MAN1C1: variants seen among roughly 807,000 people sequenced by gnomAD.
The protein encoded by MAN1C1 is mannosyl-oligosaccharide 1,2-alpha-mannosidase IC.
A neutral mutation model predicts 71.5 loss-of-function variants in MAN1C1; 49 were observed. That is an observed-to-expected ratio of 0.69 (90% CI 0.54 to 0.87). MAN1C1 has a LOEUF of 0.87. Among genes scored for constraint, MAN1C1 ranks in the 40% least tolerant of loss-of-function variants. The pLI is 0.00. For missense variants in MAN1C1, 743 were observed against 835.0 expected, an observed-to-expected ratio of 0.89 and a Z score of 1.36; for synonymous variants, 352 against 343.7, an observed-to-expected ratio of 1.02 and a Z score of -0.27.
At chr1:25,685,221 G>A (rs2046213240) in intron 1 of MAN1C1, among the ~76,000 whole-genome samples, 1 of 152,236 alleles carries the variant, frequency 6.6e-6, no homozygotes, top group Non-Finnish European at 1.5e-5. Context: ...CCTTGCTAAA[G>A]CAGATCTCAG....
At chr1:25,733,327 C>T (rs1418579033) in intron 2 of MAN1C1, among the ~76,000 whole-genome samples, 1 of 152,156 alleles carries the variant, frequency 6.6e-6, no homozygotes, top group African/African-American at 2.4e-5. Context: ...CCTAAGCCAT[C>T]CAGACCCCCT....
chr1:25,685,079 A>T (rs539056804), intron 1 of MAN1C1, among the ~76,000 whole-genome samples: 1 of 152,254 alleles, frequency 6.6e-6, no homozygotes, highest in Non-Finnish European at 1.5e-5. Context: ...TTGGAGAGCC[A>T]GTATTTTAAA....
rs2046607036 is a variant in MAN1C1 at position 25,711,051 on chromosome 1, C to T, written c.637+24515C>T. ...TTTATTATTTCTTGAGTCTGTGGGT[C>T]TTAGCTAGGCCAGGATTGGTCTAGG... is the stretch of plus-strand genomic sequence containing the variant. On this transcript the variant is annotated intron_variant, in intron 2 of 11. Coordinates refer to ENST00000374332, the MANE Select transcript of MAN1C1 (RefSeq NM_020379.4). The surrounding 1 kb of genome is among the most constrained non-coding windows in gnomAD (Gnocchi z 4.3). Among the ~76,000 whole-genome samples the T allele has an allele frequency of 6.6e-6, 1 of 152,158 alleles. No homozygotes were observed. Among genetic ancestry groups the T allele is most frequent in the African/African-American group, 2.4e-5 (1 of 41,424 alleles).
chr1:25,670,984 C>T (rs1298047621), intron 1 of MAN1C1, among the ~76,000 whole-genome samples: 4 of 152,166 alleles, frequency 2.6e-5, no homozygotes, highest in Non-Finnish European at 4.4e-5. Context: ...TCAAGCATTC[C>T]CCTCACCTAA....
At chr1:25,743,211 C>T (rs180849132) in intron 2 of MAN1C1, among the ~76,000 whole-genome samples, 4 of 152,096 alleles carry the variant, frequency 2.6e-5, no homozygotes, top group African/African-American at 9.7e-5. Flanking sequence ...GATTTCTGGG[C>T]CTGTATTATT....
At chr1:25,693,673 A>G (rs1354742705) in intron 2 of MAN1C1, among the ~76,000 whole-genome samples, 2 of 152,206 alleles carry the variant, frequency 1.3e-5, no homozygotes, top group East Asian at 3.8e-4. Context: ...CCCACGCATT[A>G]CAAGTTCATG....
At chr1:25,717,109 G>A (rs79764302) in intron 2 of MAN1C1, among the ~76,000 whole-genome samples, 2 of 152,118 alleles carry the variant, frequency 1.3e-5, no homozygotes, top group Non-Finnish European at 2.9e-5. Flanking sequence ...AAATAATGCC[G>A]CTTTGAACAT....
intron 7 of MAN1C1, among the ~76,000 whole-genome samples, chr1:25,767,836 CTA>C (rs2047464378): frequency 4.2e-5 from 5 of 119,528 alleles, no homozygotes; most frequent in South Asian, 2.9e-4. Context: ...CTCACACACA[CTA>C]CACACACATT....
intron 2 of MAN1C1, among the ~76,000 whole-genome samples, chr1:25,698,583 G>A (rs1056921248): frequency 3.3e-5 from 5 of 152,236 alleles, no homozygotes; most frequent in East Asian, 1.9e-4. Flanking sequence ...AGTGAAGACC[G>A]TCCGTGCGAG....
At chr1:25,780,915 G>A (rs1314051883) in intron 9 of MAN1C1, 25 bp from the exon 10 acceptor site, 2 of 1,610,410 alleles carry the variant, frequency 1.2e-6, no homozygotes, top group African/African-American at 1.3e-5. Context: ...TCTGACCTGG[G>A]CCCTCTGCTT....
chr1:25,664,877 G>A (rs536704537), intron 1 of MAN1C1, among the ~76,000 whole-genome samples: 3 of 152,350 alleles, frequency 2.0e-5, no homozygotes, highest in African/African-American at 4.8e-5. Flanking sequence ...GCTACTTGGA[G>A]GATCCGTCAC....
At chr1:25,740,935 G>A (rs543031216) in intron 2 of MAN1C1, among the ~76,000 whole-genome samples, 1 of 152,056 alleles carries the variant, frequency 6.6e-6, no homozygotes, top group Non-Finnish European at 1.5e-5. Context: ...ATCTCGCAGA[G>A]ACGGCCAGCA....
At chr1:25,695,494 G>C (rs2046358323) in intron 2 of MAN1C1, among the ~76,000 whole-genome samples, 1 of 152,002 alleles carries the variant, frequency 6.6e-6, no homozygotes, top group Non-Finnish European at 1.5e-5. Context: ...ACAATTCCTC[G>C]GCCACCTTCT....
Position 25,618,052 on chromosome 1 carries a change from C to T in MAN1C1, c.255C>T (p.Ala85=). Residue 85 remains alanine, a synonymous_variant, in exon 1 of 12, where the codon GCC becomes GCT. Coordinates refer to ENST00000374332, the MANE Select transcript of MAN1C1 (RefSeq NM_020379.4). ...AGCAGGAGCCGCCTCCCAACCCGGCCCCCGCCGCGCCGGCCCCGGGCGAGG... is the reference window on the plus strand; with the variant it reads ...AGCAGGAGCCGCCTCCCAACCCGGCTCCCGCCGCGCCGGCCCCGGGCGAGG... The part of the protein sequence containing the change: ...AREQEPPPNP[A]PAAPAPGEDD... The T allele has an allele frequency of 1.3e-6, 2 of 1,564,092 alleles. No individual in the cohort carries two copies. The highest frequency in any genetic ancestry group is 1.7e-6 in the Non-Finnish European group (2 of 1,159,840).
chr1:25,678,551 A>G (rs1055873793), intron 1 of MAN1C1, among the ~76,000 whole-genome samples: 2 of 152,228 alleles, frequency 1.3e-5, no homozygotes, highest in Non-Finnish European at 2.9e-5. Context: ...AGGGCGTTAC[A>G]TATTAATAAC....
intron 2 of MAN1C1, among the ~76,000 whole-genome samples, chr1:25,726,866 G>A (rs2046838547): frequency 6.7e-6 from 1 of 150,354 alleles, no homozygotes; most frequent in African/African-American, 2.5e-5. Context: ...GACCAACCTG[G>A]GCAATACAGT....
chr1:25,768,380 C>G (rs2047485700), intron 7 of MAN1C1, among the ~76,000 whole-genome samples: 1 of 138,192 alleles, frequency 7.2e-6, no homozygotes, highest in Non-Finnish European at 1.6e-5. Flanking sequence ...CCCCCACACA[C>G]ACTCCCCTCA....
Position 25,686,536 on chromosome 1 carries a change from G to T in MAN1C1, c.637G>T (p.Gly213Ter). 1 of 1,613,834 alleles carries T rather than the reference G, an allele frequency of 6.2e-7. No homozygotes were observed. Among genetic ancestry groups the T allele is most frequent in the Non-Finnish European group, 8.5e-7 (1 of 1,179,754 alleles). ...AGATGGCTACGAGGGTAACATGTTC[G>T]GTGAGTCGATTCAAACCACTTTGAT... ...TKDGYEGNMF[G>*]GLSGATVIDS... Residue 213 changes from glycine (G) to a stop codon, truncating the protein, a stop_gained and splice_region_variant, in exon 2 of 12, where the codon GGA becomes TGA. Coordinates refer to ENST00000374332, the MANE Select transcript of MAN1C1 (RefSeq NM_020379.4). LOFTEE classifies it high-confidence loss of function.
At chr1:25,655,331 C>G (rs1447115696) in intron 1 of MAN1C1, among the ~76,000 whole-genome samples, 2 of 152,228 alleles carry the variant, frequency 1.3e-5, no homozygotes, top group African/African-American at 4.8e-5. Flanking sequence ...CTGTCCAACA[C>G]TGCTCTTCCA....
Sources: allele counts gnomAD v4.1 joint callset (sites outside exome capture counted in the v4.1 genomes callset), GRCh38; gene constraint gnomAD v4.1.1; non-coding constraint Gnocchi (gnomAD v3.1); transcripts MANE v1.5; gene names NCBI Gene and HGNC (gene_info 2026-07-23, HGNC 2026-07-21).